The following BRINP3 variants were observed in gnomAD, a reference collection of about 807,000 sequenced individuals.
BRINP3 encodes the protein BMP/retinoic acid-inducible neural-specific protein 3.
Under a neutral mutation model 71.0 loss-of-function variants are expected in BRINP3, and 19 were observed. The ratio of observed to expected loss-of-function variants is 0.27; its 90% CI spans 0.19 to 0.39. The LOEUF is 0.39. BRINP3 is among the 10% of genes least tolerant of loss of function. BRINP3 has a pLI of 1.00. For synonymous variants in BRINP3, 380 were observed against 337.7 expected (o/e 1.13, Z -1.37); for missense variants, 959 against 940.8 (o/e 1.02, Z -0.25).
rs1401150849 is a variant in BRINP3 at position 190,277,119 on chromosome 1, T to TATATATATATATATATATA, written c.427+4440_427+4441insTATATATATATATATATAT. On this transcript the variant is annotated intron_variant, in intron 3 of 7. Transcript: ENST00000367462. ...TATATATATATATATATATATATAT[T>TATATATATATATATATATA]TATATTCAGAAAAGAAAACTTTTTC... 1.8e-3 allele frequency among the ~76,000 whole-genome samples: 49 copies of TATATATATATATATATATA among 26,936 alleles called. 1 individual carries two copies. The highest frequency in any genetic ancestry group is 4.6e-3 in the South Asian group (3 of 648). The allele number at this position is 26,936 out of a possible 152,430, so 17.7% of individuals were successfully genotyped here. A position where few individuals can be genotyped will look rare whatever the true frequency, so the allele number is the denominator to read the frequency against.
At chr1:190,115,425 G>C (rs1005610825) in intron 7 of BRINP3, among the ~76,000 whole-genome samples, 1 of 152,042 alleles carries the variant, frequency 6.6e-6, no homozygotes, top group Non-Finnish European at 1.5e-5. Flanking sequence ...ATAGAAATTT[G>C]TTTTAGGGGA....
chr1:190,274,662 C>T lies in BRINP3; in HGVS notation c.427+6898G>A, dbSNP rs568709857. On this transcript the variant is annotated intron_variant, in intron 3 of 7. Coordinates refer to ENST00000367462, the MANE Select transcript of BRINP3 (RefSeq NM_199051.3). ...AGCCTTACAATATTTTTTGTTATTG[C>T]TGCCCTTTTGAAATTATATTGAGTT... is the stretch of plus-strand genomic sequence containing the variant. Among the ~76,000 whole-genome samples the T allele has an allele frequency of 4.6e-5, 7 of 151,638 alleles. No homozygotes were observed. In the South Asian group the frequency reaches 1.5e-3, roughly 31 times the overall value.
chr1:190,279,493 G>A (rs183824878), intron 3 of BRINP3, among the ~76,000 whole-genome samples: 83 of 151,934 alleles, frequency 5.5e-4, no homozygotes, highest in Non-Finnish European at 5.0e-4. Flanking sequence ...CCTAAAAGAC[G>A]GGGAGGGAGA....
At chr1:190,172,007 G>T (rs1652057665) in intron 6 of BRINP3, among the ~76,000 whole-genome samples, 1 of 151,026 alleles carries the variant, frequency 6.6e-6, no homozygotes, top group Non-Finnish European at 1.5e-5. Context: ...AGGCTGAGGT[G>T]AGAGAATCGC....
chr1:190,221,865 C>T (rs548483748), intron 6 of BRINP3, among the ~76,000 whole-genome samples: 1 of 151,960 alleles, frequency 6.6e-6, no homozygotes, highest in East Asian at 1.9e-4. Flanking sequence ...GATAATATAA[C>T]AATTATCAAT....
intron 2 of BRINP3, among the ~76,000 whole-genome samples, chr1:190,411,468 C>G (rs1672659704): frequency 6.6e-6 from 1 of 152,086 alleles, no homozygotes; most frequent in Non-Finnish European, 1.5e-5. Context: ...ACAATGCAAA[C>G]AGTGATTCTC....
At chr1:190,447,244 G>C (rs1350406253) in intron 2 of BRINP3, among the ~76,000 whole-genome samples, 1 of 148,378 alleles carries the variant, frequency 6.7e-6, no homozygotes, top group Non-Finnish European at 1.5e-5. Flanking sequence ...TTTCTAGTAT[G>C]GATTGATAGA....
At chr1:190,203,779 AT>A (rs1330924466) in intron 6 of BRINP3, among the ~76,000 whole-genome samples, 3 of 92,840 alleles carry the variant, frequency 3.2e-5, no homozygotes, top group Non-Finnish European at 6.5e-5. Context: ...ATATATATAT[AT>A]ATATATATAT....
intron 2 of BRINP3, among the ~76,000 whole-genome samples, chr1:190,321,464 T>C (rs1043553480): frequency 6.6e-6 from 1 of 152,138 alleles, no homozygotes; most frequent in African/African-American, 2.4e-5. Context: ...TTCTGATTTA[T>C]AGAAATAAAA....
intron 2 of BRINP3, among the ~76,000 whole-genome samples, chr1:190,296,104 A>T (rs1664233813): frequency 6.7e-6 from 1 of 149,636 alleles, no homozygotes; most frequent in African/African-American, 2.5e-5. Context: ...TTGGTGTTAT[A>T]TTTAAAAAAT....
chr1:190,191,440 G>C (rs1267786496), intron 6 of BRINP3, among the ~76,000 whole-genome samples: 2 of 151,926 alleles, frequency 1.3e-5, no homozygotes, highest in Non-Finnish European at 2.9e-5. Context: ...AGTGTGTGTT[G>C]TTCCACTCTC....
At chr1:190,452,197 T>A (rs1012359225) in intron 2 of BRINP3, among the ~76,000 whole-genome samples, 4 of 152,204 alleles carry the variant, frequency 2.6e-5, no homozygotes, top group Non-Finnish European at 4.4e-5. Context: ...AGACAAATAT[T>A]AAAGACAAAA....
chr1:190,335,704 C>A (rs1302141652), intron 2 of BRINP3, among the ~76,000 whole-genome samples: 2 of 151,738 alleles, frequency 1.3e-5, no homozygotes, highest in Non-Finnish European at 2.9e-5. Flanking sequence ...GATAAATAAT[C>A]TCAATAGAAG....
chr1:190,403,650 T>C (rs1387837452), intron 2 of BRINP3, among the ~76,000 whole-genome samples: 3 of 152,166 alleles, frequency 2.0e-5, no homozygotes, highest in African/African-American at 7.2e-5. Flanking sequence ...TGTATTAGAA[T>C]GTGAATAGGA....
intron 7 of BRINP3, among the ~76,000 whole-genome samples, chr1:190,136,658 A>C (rs1256808211): frequency 6.6e-6 from 1 of 152,114 alleles, no homozygotes; most frequent in Non-Finnish European, 1.5e-5. Flanking sequence ...TATTTTTTCC[A>C]TCATCTAATT....
chr1:190,254,528 T>C (rs1317580852), intron 4 of BRINP3, among the ~76,000 whole-genome samples: 1 of 152,176 alleles, frequency 6.6e-6, no homozygotes, highest in Non-Finnish European at 1.5e-5. Context: ...TTATTCTCTT[T>C]TTAGCAATTG....
At chr1:190,432,777 T>C (rs1485577126) in intron 2 of BRINP3, among the ~76,000 whole-genome samples, 1 of 152,144 alleles carries the variant, frequency 6.6e-6, no homozygotes, top group African/African-American at 2.4e-5. Context: ...ACAAACAAAA[T>C]AATGGATCTG....
chr1:190,385,909 T>G (rs1436115153), intron 2 of BRINP3, among the ~76,000 whole-genome samples: 3 of 146,334 alleles, frequency 2.1e-5, no homozygotes, highest in Admixed American at 6.9e-5. Flanking sequence ...CCATAAAAAA[T>G]GATGAGTTCA....
chr1:190,108,476 C>T (rs992551012), intron 7 of BRINP3, among the ~76,000 whole-genome samples: 3 of 151,560 alleles, frequency 2.0e-5, no homozygotes, highest in Non-Finnish European at 4.4e-5. Flanking sequence ...TTTCACATGA[C>T]TTTGCTTTTC....
Sources: allele counts gnomAD v4.1 joint callset (sites outside exome capture counted in the v4.1 genomes callset), GRCh38; gene constraint gnomAD v4.1.1; transcripts MANE v1.5; gene names NCBI Gene and HGNC (gene_info 2026-07-23, HGNC 2026-07-21).